The following POLL variants were observed in gnomAD, a reference collection of about 807,000 sequenced individuals.
POLL encodes DNA polymerase lambda.
POLL carries 44 observed loss-of-function variants against 58.1 expected under a neutral mutation model. The observed-to-expected ratio is 0.76, with a 90% CI of 0.60 to 0.97. POLL has a LOEUF of 0.97. Among genes scored for constraint, POLL ranks in the 50% least tolerant of loss-of-function variants. The pLI is 0.00. For synonymous variants in POLL, 290 were observed against 283.2 expected (o/e 1.02, Z -0.24); for missense variants, 632 against 736.8 (o/e 0.86, Z 1.65).
rs552517467 is a variant in POLL at position 101,580,627 on chromosome 10, C to T, written c.1195-211G>A. 6.8e-5 allele frequency: 37 copies of T among 540,350 alleles called. No homozygotes were observed. The African/African-American group carries it at 6.9e-4, about 10-fold the overall frequency. The allele number at this position is 540,350 out of a possible 1,614,324, so 33.5% of individuals were successfully genotyped here. On this transcript the variant is annotated intron_variant, in intron 7 of 8. Transcript: ENST00000370162. This position sits in a 1 kb window ranked among gnomAD's most constrained non-coding sequence, Gnocchi z 4.1. Reference sequence around the variant, plus strand: ...AAGAAAAAGCTCACTGTGCAGGAGGCAAGCCTGAGGAGAGACGGGAGAAGG... The same window carrying T: ...AAGAAAAAGCTCACTGTGCAGGAGGTAAGCCTGAGGAGAGACGGGAGAAGG...
chr10:101,585,835 T>G (rs771441454), intron 3 of POLL, 27 bp downstream of exon 3: 1 of 1,502,174 alleles, frequency 6.7e-7, no homozygotes, highest in Non-Finnish European at 8.9e-7. Context: ...TAGAAAACAT[T>G]TGAAAAAAAG....
rs1344565102 is a variant in POLL at position 101,579,314 on chromosome 10, C to T, written c.*139G>A. Reference sequence around the variant, plus strand: ...GCCGGGCTGGCTCTTGCTTCAGGCCCAGAGCCCTGGGCCCTGCTCGCTGAG... The same window carrying T: ...GCCGGGCTGGCTCTTGCTTCAGGCCTAGAGCCCTGGGCCCTGCTCGCTGAG... On this transcript the variant is annotated 3_prime_UTR_variant, in exon 9 of 9. Transcript: ENST00000370162. The surrounding 1 kb of genome is among the most constrained non-coding windows in gnomAD (Gnocchi z 4.4). 9 of 1,028,612 alleles carry T rather than the reference C, an allele frequency of 8.7e-6. No individual in the cohort carries two copies. Among genetic ancestry groups the T allele is most frequent in the Middle Eastern group, 3.3e-4 (1 of 3,052 alleles). The allele number at this position is 1,028,612 out of a possible 1,614,324, so 63.7% of individuals were successfully genotyped here.
At chr10:101,582,245 C>G (rs2063041052) in intron 7 of POLL, 1 of 154,690 alleles carries the variant, frequency 6.5e-6, no homozygotes, top group African/African-American at 2.4e-5. Context: ...ACCCCAAATC[C>G]TGAGCCAGCC....
chr10:101,584,396 G>A (rs1326286158), intron 5 of POLL, among the ~76,000 whole-genome samples: 1 of 152,062 alleles, frequency 6.6e-6, no homozygotes, highest in Non-Finnish European at 1.5e-5. Context: ...CAAAAGTAGA[G>A]AGATCCATAT....
rs1218236340 is a variant in POLL, at chr10:101,580,542, A to C, written c.1195-126T>G. On this transcript the variant is annotated intron_variant, in intron 7 of 8. Coordinates refer to ENST00000370162, the MANE Select transcript of POLL (RefSeq NM_001174084.2). This position sits in a 1 kb window ranked among gnomAD's most constrained non-coding sequence, Gnocchi z 4.1. ...TATGCCCATTCCAGATGCCTGCTGC[A>C]AGCCCAGGGGAATCCACCCTGAGGA... 7.6e-6 allele frequency: 6 copies of C among 785,048 alleles called. No individual in the cohort carries two copies. The highest frequency in any genetic ancestry group is 1.7e-5 in the African/African-American group (1 of 57,644). 48.6% of individuals were successfully genotyped at this position (785,048 alleles called of 1,614,324 possible). A position where few individuals can be genotyped will look rare whatever the true frequency, so the allele number is the denominator to read the frequency against.
At chr10:101,587,075 G>C in intron 2 of POLL, 171 bp downstream of exon 2, 4 of 1,443,028 alleles carry the variant, frequency 2.8e-6, no homozygotes, top group Non-Finnish European at 3.9e-6. Flanking sequence ...CAAATAGCCT[G>C]TCCAAGACCC....
rs908023111 is a variant in POLL at position 101,583,500 on chromosome 10, G to T, written c.1065+8C>A. The T allele has an allele frequency of 2.5e-6, 4 of 1,612,376 alleles. No individual in the cohort carries two copies. Among genetic ancestry groups the T allele is most frequent in the Non-Finnish European group, 3.4e-6 (4 of 1,179,938 alleles). On this transcript the variant is annotated splice_region_variant and intron_variant, in intron 6 of 8. Transcript: ENST00000370162. ...AAAACTGAAGTAGGGGCTGAGCCAG[G>T]GTGTGACCTGTTGGTACCACATCTG...
rs2134569186 is a variant in POLL, at chr10:101,580,602, A to T, written c.1195-186T>A. The T allele has an allele frequency of 1.7e-6, 1 of 583,826 alleles. No homozygotes were observed. The highest frequency in any genetic ancestry group is 2.9e-5 in the East Asian group (1 of 34,384). The allele number at this position is 583,826 out of a possible 1,614,324, so 36.2% of individuals were successfully genotyped here. On this transcript the variant is annotated intron_variant, in intron 7 of 8. Transcript: ENST00000370162. The surrounding 1 kb of genome is among the most constrained non-coding windows in gnomAD (Gnocchi z 4.1). ...CTTTCCCTTCGCTAGGACAGGAGAG[A>T]AGAAAAAGCTCACTGTGCAGGAGGC...
intron 6 of POLL, 159 bp from the exon 7 acceptor site, chr10:101,583,050 G>A (rs2063093224): frequency 5.3e-6 from 4 of 753,670 alleles, no homozygotes; most frequent in African/African-American, 3.5e-5. Flanking sequence ...CAGGACTTGG[G>A]AAAGGCAGGG....
rs2063487299 is a variant in POLL at position 101,588,011 on chromosome 10, C to T, written c.-236G>A. 7.4e-7 allele frequency: 1 copy of T among 1,352,166 alleles called. No homozygotes were observed. Among genetic ancestry groups the T allele is most frequent in the Non-Finnish European group, 9.7e-7 (1 of 1,030,040 alleles). The allele number at this position is 1,352,166 out of a possible 1,614,324, so 83.8% of individuals were successfully genotyped here. ...GGAGTCTCGCAGCTGCGGGTGAAGT[C>T]CCGGGCAGGTGCGGTGTACTCGCCG... is the stretch of plus-strand genomic sequence containing the variant. On this transcript the variant is annotated 5_prime_UTR_variant, in exon 1 of 9. Coordinates refer to ENST00000370162, the MANE Select transcript of POLL (RefSeq NM_001174084.2).
At chr10:101,587,134 G>C in intron 2 of POLL, 112 bp downstream of exon 2, 1 of 1,607,976 alleles carries the variant, frequency 6.2e-7, no homozygotes, top group Non-Finnish European at 8.5e-7. Flanking sequence ...GCAGGCCCTG[G>C]ACAGGCAGAG....
At chr10:101,587,635 T>A (rs1321555328) in intron 1 of POLL, 187 bp downstream of exon 1, 1 of 974,448 alleles carries the variant, frequency 1.0e-6, no homozygotes, top group East Asian at 4.3e-5. Flanking sequence ...CCATCGGGGG[T>A]ACTTTTGAGG....
Position 101,587,846 on chromosome 10 carries a change from G to T in POLL, c.-71C>A. ...CCTCCAACACAGACTCGCAGAGGAA[G>T]GAGGAGGACTTTCGGGGGTGAGTGG... On this transcript the variant is annotated 5_prime_UTR_variant, in exon 1 of 9. Transcript: ENST00000370162. 4.2e-6 allele frequency: 5 copies of T among 1,190,218 alleles called. No homozygotes were observed. The highest frequency in any genetic ancestry group is 5.3e-6 in the Non-Finnish European group (5 of 942,216). 73.7% of individuals were successfully genotyped at this position (1,190,218 alleles called of 1,614,324 possible). A position where few individuals can be genotyped will look rare whatever the true frequency, so the allele number is the denominator to read the frequency against.
chr10:101,583,419 T>C (rs372176589), intron 6 of POLL, 89 bp downstream of exon 6: 6 of 1,417,070 alleles, frequency 4.2e-6, no homozygotes, highest in Non-Finnish European at 5.9e-6. Flanking sequence ...GAGCACAGCA[T>C]AGGGATCTGG....
chr10:101,579,019 C>A lies in POLL; in HGVS notation c.*434G>T, dbSNP rs970101583. 1 of 207,504 alleles carries A rather than the reference C, an allele frequency of 4.8e-6. No homozygotes were observed. Among genetic ancestry groups the A allele is most frequent in the Non-Finnish European group, 9.8e-6 (1 of 101,864 alleles). 12.9% of individuals were successfully genotyped at this position (207,504 alleles called of 1,614,324 possible). Reference sequence around the variant, plus strand: ...AGGGAACACATGTGGAATGGCTGTTCTCCTACCCCAGAGGGTGCCGGATGA... The same window carrying A: ...AGGGAACACATGTGGAATGGCTGTTATCCTACCCCAGAGGGTGCCGGATGA... On this transcript the variant is annotated 3_prime_UTR_variant, in exon 9 of 9. Coordinates refer to ENST00000370162, the MANE Select transcript of POLL (RefSeq NM_001174084.2). This position sits in a 1 kb window ranked among gnomAD's most constrained non-coding sequence, Gnocchi z 4.4.
intron 4 of POLL, 84 bp from the exon 5 acceptor site, chr10:101,585,003 G>A: frequency 2.3e-6 from 2 of 870,146 alleles, no homozygotes; most frequent in Non-Finnish European, 3.3e-6. Context: ...TCTTCTTTGT[G>A]CGGGGGGAGG....
chr10:101,588,128 C>G lies in POLL; in HGVS notation c.-353G>C, dbSNP rs1451854944. 2 of 1,516,000 alleles carry G rather than the reference C, an allele frequency of 1.3e-6. No individual in the cohort carries two copies. The highest frequency in any genetic ancestry group is 1.8e-6 in the Non-Finnish European group (2 of 1,134,242). 93.9% of individuals were successfully genotyped at this position (1,516,000 alleles called of 1,614,324 possible). A position where few individuals can be genotyped will look rare whatever the true frequency, so the allele number is the denominator to read the frequency against. On this transcript the variant is annotated 5_prime_UTR_variant, in exon 1 of 9. Coordinates refer to ENST00000370162, the MANE Select transcript of POLL (RefSeq NM_001174084.2). ...CCGGCCCCAAGAGTCTCTCCAACCC[C>G]CAGAGTCGGTCCCCGGGTGGGGTCG...
chr10:101,583,419 T>A lies in POLL; in HGVS notation c.1065+89A>T. 11 of 1,417,072 alleles carry A rather than the reference T, an allele frequency of 7.8e-6. No individual in the cohort carries two copies. The South Asian group carries it at 1.2e-4, about 16-fold the overall frequency. The allele number at this position is 1,417,072 out of a possible 1,614,324, so 87.8% of individuals were successfully genotyped here. A position where few individuals can be genotyped will look rare whatever the true frequency, so the allele number is the denominator to read the frequency against. ...GGTGCATTCCCATCAGAGCACAGCA[T>A]AGGGATCTGGGGCAGAGCACAGCAC... On this transcript the variant is annotated intron_variant, in intron 6 of 8. Coordinates refer to ENST00000370162, the MANE Select transcript of POLL (RefSeq NM_001174084.2).
chr10:101,588,076 G>T lies in POLL; in HGVS notation c.-301C>A. 6.8e-7 allele frequency: 1 copy of T among 1,475,484 alleles called. No individual in the cohort carries two copies. Among genetic ancestry groups the T allele is most frequent in the Non-Finnish European group, 9.0e-7 (1 of 1,108,822 alleles). 91.4% of individuals were successfully genotyped at this position (1,475,484 alleles called of 1,614,324 possible). ...GCAGGCCAGGGAATCCCAGCTCGGG[G>T]CTAGAAGAAAGCTGGAGTGCCCGAC... On this transcript the variant is annotated 5_prime_UTR_variant, in exon 1 of 9. Coordinates refer to ENST00000370162, the MANE Select transcript of POLL (RefSeq NM_001174084.2).
Sources: allele counts gnomAD v4.1 joint callset (sites outside exome capture counted in the v4.1 genomes callset), GRCh38; gene constraint gnomAD v4.1.1; non-coding constraint Gnocchi (gnomAD v3.1); transcripts MANE v1.5; gene names NCBI Gene and HGNC (gene_info 2026-07-23, HGNC 2026-07-21).